Variants in IGF1R observed in about 807,000 individuals in gnomAD.
IGF1R encodes insulin like growth factor 1 receptor.
A neutral mutation model predicts 144.6 loss-of-function variants in IGF1R; 44 were observed. The ratio of observed to expected loss-of-function variants is 0.30; its 90% CI spans 0.24 to 0.39. IGF1R has a LOEUF of 0.39. Ranked by LOEUF, IGF1R falls within the 10% of genes least tolerant of loss-of-function variation. The pLI, the probability that IGF1R is intolerant of heterozygous loss-of-function variation, is 1.00. For missense variants in IGF1R, 1,355 were observed against 1,833.7 expected (o/e 0.74, Z 4.77); for synonymous variants, 795 against 722.8 (o/e 1.10, Z -1.60).
chr15:98,771,433 C>T (rs943878260), intron 2 of IGF1R, among the ~76,000 whole-genome samples: 14 of 152,118 alleles, frequency 9.2e-5, no homozygotes, highest in African/African-American at 2.7e-4. Flanking sequence ...TAAAGCAAAC[C>T]GATGTGCAGA....
At chr15:98,787,825 T>TGTC (rs1165322875) in intron 2 of IGF1R, among the ~76,000 whole-genome samples, 5 of 152,232 alleles carry the variant, frequency 3.3e-5, no homozygotes, top group African/African-American at 1.2e-4. Context: ...TAGGGACATG[T>TGTC]GTCTGCTTTT....
At chr15:98,684,934 T>TCC in intron 1 of IGF1R, among the ~76,000 whole-genome samples, 2 of 141,806 alleles carry the variant, frequency 1.4e-5, no homozygotes, top group African/African-American at 5.8e-5. Context: ...CTTTTCCTTT[T>TCC]TTTTTTTTTT....
At chr15:98,720,986 G>C (rs1031860232) in intron 2 of IGF1R, among the ~76,000 whole-genome samples, 1 of 152,174 alleles carries the variant, frequency 6.6e-6, no homozygotes, top group Non-Finnish European at 1.5e-5. Context: ...CAGCTGGAGT[G>C]ATCAAAGCAA....
At chr15:98,823,724 C>G (rs2056842086) in intron 2 of IGF1R, among the ~76,000 whole-genome samples, 1 of 152,144 alleles carries the variant, frequency 6.6e-6, no homozygotes, top group Admixed American at 6.5e-5. Flanking sequence ...GCTTAGTAAC[C>G]ATAACTTCTT....
intron 2 of IGF1R, among the ~76,000 whole-genome samples, chr15:98,850,266 G>A (rs1309555295): frequency 6.6e-6 from 1 of 152,246 alleles, no homozygotes; most frequent in Non-Finnish European, 1.5e-5. Context: ...TGGTGTTTGA[G>A]CGGAGACCTG....
rs567492543 is a variant in IGF1R, at chr15:98,664,630, T to G, written c.94+14955T>G. On this transcript the variant is annotated intron_variant, in intron 1 of 20. Coordinates refer to ENST00000650285, the MANE Select transcript of IGF1R (RefSeq NM_000875.5). ...GAGGTTGGAGGTTGGAGGTTGGAGG[T>G]TGCAGTGAGCCAAGATCGCGCCACT... Among the ~76,000 whole-genome samples the G allele has an allele frequency of 2.0e-5, 3 of 148,302 alleles. No individual in the cohort carries two copies. In the South Asian group the frequency reaches 6.4e-4, roughly 32 times the overall value.
intron 2 of IGF1R, among the ~76,000 whole-genome samples, chr15:98,868,076 C>CTGT (rs2012550676): frequency 6.6e-6 from 1 of 152,030 alleles, no homozygotes; most frequent in Admixed American, 6.6e-5. Context: ...TGGTGCATGC[C>CTGT]TGTAATCCCA....
At chr15:98,676,420 G>A (rs756126042) in intron 1 of IGF1R, among the ~76,000 whole-genome samples, 4 of 152,208 alleles carry the variant, frequency 2.6e-5, no homozygotes, top group East Asian at 1.9e-4. Context: ...ACAGGCGTGA[G>A]CCACCGCTCC....
intron 2 of IGF1R, among the ~76,000 whole-genome samples, chr15:98,744,037 G>T (rs2054808307): frequency 6.6e-6 from 1 of 152,104 alleles, no homozygotes; most frequent in African/African-American, 2.4e-5. Flanking sequence ...CAGATACTGG[G>T]TTTGAGACAC....
chr15:98,713,529 G>A lies in IGF1R; in HGVS notation c.640+5422G>A, dbSNP rs532965061. Among the ~76,000 whole-genome samples, 3 of 152,288 alleles carry A rather than the reference G, an allele frequency of 2.0e-5. No individual in the cohort carries two copies. The East Asian group carries it at 5.8e-4, about 29-fold the overall frequency. ...TCCTGCCATTGTGGGGATGATTCCA[G>A]GCCAAAGATGATGGAGAAGTATGGA... On this transcript the variant is annotated intron_variant, in intron 2 of 20. Coordinates refer to ENST00000650285, the MANE Select transcript of IGF1R (RefSeq NM_000875.5).
chr15:98,705,854 A>T (rs998219187), intron 1 of IGF1R, among the ~76,000 whole-genome samples: 1 of 152,152 alleles, frequency 6.6e-6, no homozygotes, highest in Non-Finnish European at 1.5e-5. Context: ...TCTTATCCCC[A>T]CATGTGATCC....
intron 2 of IGF1R, among the ~76,000 whole-genome samples, chr15:98,814,390 G>A (rs1359024690): frequency 2.0e-5 from 3 of 152,060 alleles, no homozygotes; most frequent in Non-Finnish European, 2.9e-5. Context: ...TTGCTCTGTT[G>A]CCCAGGCTGG....
intron 2 of IGF1R, among the ~76,000 whole-genome samples, chr15:98,820,537 A>T (rs1423981294): frequency 1.3e-5 from 2 of 152,176 alleles, no homozygotes; most frequent in Non-Finnish European, 2.9e-5. Context: ...GCAGTTTTTC[A>T]TCTAAGGTAA....
intron 4 of IGF1R, among the ~76,000 whole-genome samples, chr15:98,898,868 A>G (rs2014331193): frequency 6.6e-6 from 1 of 151,772 alleles, no homozygotes; most frequent in Admixed American, 6.5e-5. Flanking sequence ...AACTATTTTC[A>G]ACTATTTTTC....
intron 1 of IGF1R, among the ~76,000 whole-genome samples, chr15:98,656,281 G>A (rs990077691): frequency 3.3e-5 from 5 of 152,144 alleles, no homozygotes; most frequent in East Asian, 1.9e-4. Context: ...TGGGCACAGC[G>A]GCTCCTGCCT....
chr15:98,896,689 G>A (rs2014213595), intron 3 of IGF1R, 68 bp from the exon 4 acceptor site: 1 of 1,487,198 alleles, frequency 6.7e-7, no homozygotes, highest in African/African-American at 1.4e-5. Flanking sequence ...ATATCCTTAT[G>A]GTTTTTTTAA....
At chr15:98,907,661 G>A (rs573622540) in intron 5 of IGF1R, among the ~76,000 whole-genome samples, 28 of 152,324 alleles carry the variant, frequency 1.8e-4, no homozygotes, top group African/African-American at 6.5e-4. Context: ...GCCCACTGCG[G>A]GGATCTTTCT....
intron 2 of IGF1R, among the ~76,000 whole-genome samples, chr15:98,779,462 G>C (rs2055801101): frequency 6.6e-6 from 1 of 152,182 alleles, no homozygotes; most frequent in Non-Finnish European, 1.5e-5. Flanking sequence ...TCCTCAGCCT[G>C]GTTAGGTAAG....
chr15:98,827,138 C>CA (rs78163788), intron 2 of IGF1R, among the ~76,000 whole-genome samples: 4 of 151,992 alleles, frequency 2.6e-5, no homozygotes, highest in Non-Finnish European at 5.9e-5. Flanking sequence ...CCCCTGCCCC[C>CA]CAACTCCGAA....
Sources: gnomAD v4.1 joint callset for allele counts (sites outside exome capture counted in the v4.1 genomes callset) on GRCh38, gnomAD v4.1.1 for gene constraint, MANE v1.5 for transcripts, NCBI Gene and HGNC (gene_info 2026-07-23, HGNC 2026-07-21) for gene names.